PCDHA2: variants seen among roughly 807,000 people sequenced by gnomAD.
The protein encoded by PCDHA2 is protocadherin alpha 2.
PCDHA2 carries 58 observed loss-of-function variants against 66.0 expected under a neutral mutation model. The observed-to-expected ratio is 0.88, with a 90% CI of 0.71 to 1.09. The LOEUF is 1.09. Among genes scored for constraint, PCDHA2 ranks in the 50% least tolerant of loss-of-function variants. The pLI is 0.00. For synonymous variants in PCDHA2, 634 were observed against 554.0 expected (o/e 1.14, Z -2.03); for missense variants, 1,267 against 1,242.3 (o/e 1.02, Z -0.30).
intron 2 of PCDHA2, among the ~76,000 whole-genome samples, chr5:140,979,611 C>T (rs549836811): frequency 5.9e-5 from 9 of 152,266 alleles, no homozygotes; most frequent in South Asian, 2.1e-4. Flanking sequence ...CCTAGAGTAA[C>T]GGTATTAGTC....
intron 1 of PCDHA2, among the ~76,000 whole-genome samples, chr5:140,946,752 A>G (rs1470208958): frequency 9.2e-5 from 14 of 151,470 alleles, no homozygotes; most frequent in African/African-American, 3.4e-4. Context: ...CAAATACTGC[A>G]TGATCTCATT....
At chr5:140,854,919 A>G (rs1554147504) in intron 1 of PCDHA2, among the ~76,000 whole-genome samples, 1 of 150,004 alleles carries the variant, frequency 6.7e-6, no homozygotes, top group African/African-American at 2.4e-5. Context: ...GGTTGAAAGC[A>G]TTTGCCTCTG....
rs1279359347 is a variant in PCDHA2 at position 141,012,130 on chromosome 5, C to T, written c.*2193C>T. ...ACTGAAGCCCATGTATCTGACCTTA[C>T]GTGCCTTTTGAACTAGGAGAATCGG... On this transcript the variant is annotated 3_prime_UTR_variant, in exon 4 of 4. Coordinates refer to ENST00000526136, the MANE Select transcript of PCDHA2 (RefSeq NM_018905.3). The T allele has an allele frequency of 2.0e-5, 3 of 153,796 alleles. No individual in the cohort carries two copies. The highest frequency in any genetic ancestry group is 1.9e-4 in the East Asian group (1 of 5,172). 9.5% of individuals were successfully genotyped at this position (153,796 alleles called of 1,614,324 possible). A position where few individuals can be genotyped will look rare whatever the true frequency, so the allele number is the denominator to read the frequency against.
chr5:140,868,942 C>T (rs1238492263), intron 1 of PCDHA2: 6 of 1,256,058 alleles, frequency 4.8e-6, no homozygotes, highest in African/African-American at 1.5e-5. Context: ...TTGGTCTGAA[C>T]AGTGAGGCAC....
chr5:141,005,256 A>C (rs1307850409), intron 3 of PCDHA2, among the ~76,000 whole-genome samples: 1 of 152,212 alleles, frequency 6.6e-6, no homozygotes, highest in East Asian at 1.9e-4. Flanking sequence ...TGTGCTAGGC[A>C]CTGGTGATAC....
intron 3 of PCDHA2, among the ~76,000 whole-genome samples, chr5:141,004,729 T>A (rs782339918): frequency 6.6e-6 from 1 of 152,144 alleles, no homozygotes; most frequent in African/African-American, 2.4e-5. Context: ...TTAAATACAT[T>A]TCTCTCTTTT....
At chr5:140,802,999 C>T (rs782171071) in intron 1 of PCDHA2, 2 of 1,613,930 alleles carry the variant, frequency 1.2e-6, no homozygotes, top group Non-Finnish European at 8.5e-7. Context: ...GATGCAGACT[C>T]AGGCTACAAC....
intron 1 of PCDHA2, among the ~76,000 whole-genome samples, chr5:140,964,816 T>A (rs79964853): frequency 0.016 from 2,494 of 151,960 alleles, 68 homozygotes; most frequent in African/African-American, 0.056. Context: ...CAGGAATAGA[T>A]TTTGATGAAA....
intron 1 of PCDHA2, chr5:140,853,202 C>T (rs1357815878): frequency 1.3e-5 from 13 of 982,324 alleles, no homozygotes; most frequent in Middle Eastern, 5.3e-4. Flanking sequence ...TTATTATTGA[C>T]GGCTGTATTG....
rs191125107 is a variant in PCDHA2 at position 140,991,229 on chromosome 5, G to A, written c.2536+8666G>A. 1.4e-3 allele frequency among the ~76,000 whole-genome samples: 211 copies of A among 152,246 alleles called. 1 individual carries two copies. The highest frequency in any genetic ancestry group is 4.8e-3 in the African/African-American group (201 of 41,560). On this transcript the variant is annotated intron_variant, in intron 3 of 3. Coordinates refer to ENST00000526136, the MANE Select transcript of PCDHA2 (RefSeq NM_018905.3). ...AATTTTGTTAAATTCATTAATAAAT[G>A]CAGTGGTAAAGGCAGTATTTGAACT... is the stretch of plus-strand genomic sequence containing the variant.
intron 1 of PCDHA2, chr5:140,870,744 C>T (rs1432638683): frequency 6.2e-7 from 1 of 1,613,474 alleles, no homozygotes; most frequent in Non-Finnish European, 8.5e-7. Context: ...TGAGCAGCAA[C>T]GTGACGCTGC....
chr5:140,830,013 A>G lies in PCDHA2; in HGVS notation c.2388+32661A>G, dbSNP rs2150179527. 6 of 1,613,450 alleles carry G rather than the reference A, an allele frequency of 3.7e-6. No individual in the cohort carries two copies. The East Asian group carries it at 1.1e-4, about 30-fold the overall frequency. Reference sequence around the variant, plus strand: ...ACCACTCGTGTCCTGGACGAAGCGGACTCTCCGCGCCACCGGCTGCTGGTG... The same window carrying G: ...ACCACTCGTGTCCTGGACGAAGCGGGCTCTCCGCGCCACCGGCTGCTGGTG... On this transcript the variant is annotated intron_variant, in intron 1 of 3. Coordinates refer to ENST00000526136, the MANE Select transcript of PCDHA2 (RefSeq NM_018905.3).
At chr5:140,836,236 C>T (rs2150256110) in intron 1 of PCDHA2, 1 of 1,613,794 alleles carries the variant, frequency 6.2e-7, no homozygotes, top group East Asian at 2.2e-5. Flanking sequence ...GCGGCCGGTG[C>T]GAGCATCCCG....
chr5:140,887,321 C>A (rs1277860165), intron 1 of PCDHA2, among the ~76,000 whole-genome samples: 4 of 152,150 alleles, frequency 2.6e-5, no homozygotes, highest in Non-Finnish European at 5.9e-5. Flanking sequence ...TAGTCTCGAA[C>A]TCCTGACCTC....
chr5:140,823,389 C>A lies in PCDHA2; in HGVS notation c.2388+26037C>A, dbSNP rs199642773. 1.6e-5 allele frequency: 25 copies of A among 1,612,876 alleles called. No individual in the cohort carries two copies. The highest frequency in any genetic ancestry group is 1.7e-4 in the Middle Eastern group (1 of 5,730). On this transcript the variant is annotated intron_variant, in intron 1 of 3. Coordinates refer to ENST00000526136, the MANE Select transcript of PCDHA2 (RefSeq NM_018905.3). ...TGCAGTTCCAGGTGAGCGCGCGCGACGCGGGCGTGCCGCCTCTGGGCAGCA... is the reference window on the plus strand; with the variant it reads ...TGCAGTTCCAGGTGAGCGCGCGCGAAGCGGGCGTGCCGCCTCTGGGCAGCA...
At chr5:140,903,585 T>C (rs928775971) in intron 1 of PCDHA2, among the ~76,000 whole-genome samples, 2 of 152,224 alleles carry the variant, frequency 1.3e-5, no homozygotes, top group Non-Finnish European at 2.9e-5. Context: ...TAGCTGGTGT[T>C]GGCCTGATAA....
chr5:140,924,747 T>G (rs1026870483), intron 1 of PCDHA2, among the ~76,000 whole-genome samples: 2 of 151,786 alleles, frequency 1.3e-5, no homozygotes, highest in African/African-American at 4.8e-5. Flanking sequence ...ATACAAAAAT[T>G]AACCGAGCAT....
intron 1 of PCDHA2, among the ~76,000 whole-genome samples, chr5:140,959,860 A>G (rs1554224378): frequency 6.6e-6 from 1 of 152,230 alleles, no homozygotes; most frequent in East Asian, 1.9e-4. Context: ...GGAATTATGT[A>G]GCAAAATCTG....
chr5:140,855,885 A>C lies in PCDHA2; in HGVS notation c.2388+58533A>C, dbSNP rs182267691. The C allele has an allele frequency of 1.4e-3, 1,364 of 972,052 alleles. 77 individuals carry two copies. Among genetic ancestry groups the C allele is most frequent in the Non-Finnish European group, 3.0e-4 (200 of 667,108 alleles). The allele number at this position is 972,052 out of a possible 1,614,324, so 60.2% of individuals were successfully genotyped here. On this transcript the variant is annotated intron_variant, in intron 1 of 3. Coordinates refer to ENST00000526136, the MANE Select transcript of PCDHA2 (RefSeq NM_018905.3). ...TGTCGTCCACAAAATAGCTTTTTAG[A>C]ACAAAGGCATCAGCCAGTTTCTCAA...
Sources: allele counts gnomAD v4.1 joint callset (sites outside exome capture counted in the v4.1 genomes callset), GRCh38; gene constraint gnomAD v4.1.1; transcripts MANE v1.5; gene names NCBI Gene and HGNC (gene_info 2026-07-23, HGNC 2026-07-21).